KHSRP: variants seen among roughly 807,000 people sequenced by gnomAD.
The protein encoded by KHSRP is KH-type splicing regulatory protein.
Under a neutral mutation model 94.9 loss-of-function variants are expected in KHSRP, and 13 were observed. The observed-to-expected ratio is 0.14, with a 90% confidence interval of 0.09 to 0.22. The LOEUF is 0.22. KHSRP is among the 10% of genes least tolerant of loss of function. The pLI is 1.00. For synonymous variants in KHSRP, 495 were observed against 401.4 expected (o/e 1.23, Z -2.79); for missense variants, 710 against 1,010.0 (o/e 0.70, Z 4.03).
intron 11 of KHSRP, 30 bp downstream of exon 11, chr19:6,417,709 G>A (rs1032556645): frequency 2.5e-6 from 4 of 1,592,500 alleles, no homozygotes; most frequent in Non-Finnish European, 3.4e-6. Context: ...GGGGTGCACT[G>A]GCCAGGGGCA....
chr19:6,414,830 CCCCCGACT>C lies in KHSRP; in HGVS notation c.*186_*193del. The C allele has an allele frequency of 8.1e-7, 1 of 1,235,516 alleles. No individual in the cohort carries two copies. The highest frequency in any genetic ancestry group is 1.0e-6 in the Non-Finnish European group (1 of 986,382). The allele number at this position is 1,235,516 out of a possible 1,614,324, so 76.5% of individuals were successfully genotyped here. On this transcript the variant is annotated 3_prime_UTR_variant, in exon 19 of 19. Transcript: ENST00000600480. ...CCCACCGTCCGCGCTGTCTGCCTGC[CCCCCGACT>C]CCCCAGCAGTTCAGAAGTCCCGCCT...
rs933887104 is a variant in KHSRP, at chr19:6,416,007, C to T, written c.1599-111G>A. 58 of 735,314 alleles carry T rather than the reference C, an allele frequency of 7.9e-5. No homozygotes were observed. In the African/African-American group the frequency reaches 9.3e-4, roughly 12 times the overall value. 45.5% of individuals were successfully genotyped at this position (735,314 alleles called of 1,614,324 possible). ...GGGAGGCGCCAGAGACCCAGACCACCAGGCTCAACGGGGCGCCTGGGAAAG... is the reference window on the plus strand; with the variant it reads ...GGGAGGCGCCAGAGACCCAGACCACTAGGCTCAACGGGGCGCCTGGGAAAG... On this transcript the variant is annotated intron_variant, in intron 15 of 18. Transcript: ENST00000600480.
rs775818254 is a variant in KHSRP, at chr19:6,414,069, A to G, written c.*955T>C. On this transcript the variant is annotated 3_prime_UTR_variant, in exon 19 of 19. Coordinates refer to ENST00000600480, the MANE Select transcript of KHSRP (RefSeq NM_001366299.1). ...CCCCCAAACAGAACAAAATGGAAAA[A>G]AAAAAGATTTTTCACAGATGAAGAA... 4 of 1,601,076 alleles carry G rather than the reference A, an allele frequency of 2.5e-6. No individual in the cohort carries two copies. The highest frequency in any genetic ancestry group is 3.4e-6 in the Non-Finnish European group (4 of 1,175,020).
chr19:6,419,921 T>G (rs1397362412), intron 6 of KHSRP, among the ~76,000 whole-genome samples, 152 bp downstream of exon 6: 1 of 151,812 alleles, frequency 6.6e-6, no homozygotes, highest in Non-Finnish European at 1.5e-5. Flanking sequence ...ACTAGTGGAG[T>G]GAGATACTGC....
At position 6,414,848 on chromosome 19, in the gene KHSRP, T is replaced by G; in HGVS notation, c.*176A>C. 7.8e-7 allele frequency: 1 copy of G among 1,278,562 alleles called. No individual in the cohort carries two copies. The highest frequency in any genetic ancestry group is 9.9e-7 in the Non-Finnish European group (1 of 1,011,478). 79.2% of individuals were successfully genotyped at this position (1,278,562 alleles called of 1,614,324 possible). A position where few individuals can be genotyped will look rare whatever the true frequency, so the allele number is the denominator to read the frequency against. On this transcript the variant is annotated 3_prime_UTR_variant, in exon 19 of 19. Coordinates refer to ENST00000600480, the MANE Select transcript of KHSRP (RefSeq NM_001366299.1). The stretch of plus-strand genomic sequence containing the variant: ...TGCCTGCCCCCCGACTCCCCAGCAG[T>G]TCAGAAGTCCCGCCTGCGAGTCTCA...
In KHSRP at chr19:6,416,722, AG is replaced by A. The variant is rs1324042488; in HGVS notation, c.1327+15del. On this transcript the variant is annotated intron_variant, in intron 13 of 18. Transcript: ENST00000600480. Reference sequence around the variant, plus strand: ...GAAGAGGGGGCAAGGGATAGGGTGCAGGGGGCCACACTCACCTCGGCCGATG... The same window carrying A: ...GAAGAGGGGGCAAGGGATAGGGTGCAGGGGCCACACTCACCTCGGCCGATG... 6.2e-7 allele frequency: 1 copy of A among 1,606,960 alleles called. No individual in the cohort carries two copies. The highest frequency in any genetic ancestry group is 8.5e-7 in the Non-Finnish European group (1 of 1,175,568).
rs770448741 is a variant in KHSRP, at chr19:6,415,634, C to T, written c.1788G>A (p.Pro596=). The change falls in exon 17 of 19, where the codon CCG becomes CCA. Residue 596 remains proline, a synonymous_variant. Coordinates refer to ENST00000600480, the MANE Select transcript of KHSRP (RefSeq NM_001366299.1). The stretch of plus-strand genomic sequence containing the variant: ...CCTGAGCCGGTGGGGCCGCAGGGGC[C>T]GGTGCGGGGCCGGGGACGGGGCCCG... ...QPPGPVPGPA[P]APAAPPAQGE... 76 of 1,524,168 alleles carry T rather than the reference C, an allele frequency of 5.0e-5. No homozygotes were observed. The highest frequency in any genetic ancestry group is 4.0e-4 in the Middle Eastern group (2 of 5,012). 94.4% of individuals were successfully genotyped at this position (1,524,168 alleles called of 1,614,324 possible).
chr19:6,416,639 C>T lies in KHSRP; in HGVS notation c.1339G>A (p.Val447Met). The part of the protein sequence containing the change: ...GLVIGRGGEN[V>M]KAINQQTGAF... ...CCCGTCTGCTGGTTTATGGCTTTCA[C>T]ATTCTCGCCACCTGCAGAAACGCAG... Residue 447 changes from valine (V) to methionine (M), a missense_variant, in exon 14 of 19, where the codon GTG (valine) becomes ATG (methionine). Physicochemically the swap from Val to Met is conservative, Grantham distance 21 (BLOSUM62 1). Transcript: ENST00000600480. 6.2e-7 allele frequency: 1 copy of T among 1,613,914 alleles called. No homozygotes were observed. Among genetic ancestry groups the T allele is most frequent in the Non-Finnish European group, 8.5e-7 (1 of 1,179,812 alleles).
chr19:6,415,742 A>C lies in KHSRP; in HGVS notation c.1688-8T>G. 1 of 1,550,598 alleles carries C rather than the reference A, an allele frequency of 6.4e-7. No homozygotes were observed. Among genetic ancestry groups the C allele is most frequent in the Non-Finnish European group, 8.7e-7 (1 of 1,147,174 alleles). The stretch of plus-strand genomic sequence containing the variant: ...CCGCTGCAGCTGCTTTGCCTGCAGG[A>C]GATACCTCGGGTGAGACGGGGGGAC... On this transcript the variant is annotated splice_polypyrimidine_tract_variant and splice_region_variant and intron_variant, in intron 16 of 18. Coordinates refer to ENST00000600480, the MANE Select transcript of KHSRP (RefSeq NM_001366299.1).
At position 6,417,658 on chromosome 19, in the gene KHSRP, C is replaced by A. The variant is rs556394302; in HGVS notation, c.1081+81G>T. Reference sequence around the variant, plus strand: ...GCTATGGAGGCCACCTGGCTGACCACGGTGCCCAGCTCCCTCAGAGCCTGC... The same window carrying A: ...GCTATGGAGGCCACCTGGCTGACCAAGGTGCCCAGCTCCCTCAGAGCCTGC... On this transcript the variant is annotated intron_variant, in intron 11 of 18. Coordinates refer to ENST00000600480, the MANE Select transcript of KHSRP (RefSeq NM_001366299.1). 4.1e-6 allele frequency: 5 copies of A among 1,212,800 alleles called. No homozygotes were observed. In the South Asian group the frequency reaches 5.1e-5, roughly 12 times the overall value. The allele number at this position is 1,212,800 out of a possible 1,614,324, so 75.1% of individuals were successfully genotyped here.
chr19:6,419,170 C>T (rs528808189), intron 7 of KHSRP, 33 bp downstream of exon 7: 2 of 1,557,438 alleles, frequency 1.3e-6, no homozygotes, highest in Middle Eastern at 1.7e-4. Context: ...GCCTGCCCCC[C>T]ACATCACAAT....
intron 4 of KHSRP, chr19:6,420,909 C>G (rs1294651973): frequency 5.1e-6 from 2 of 391,344 alleles, no homozygotes; most frequent in Non-Finnish European, 9.3e-6. Context: ...CTGAGCTCCA[C>G]AGCACTGAGT....
chr19:6,417,432 T>C (rs907819491), intron 11 of KHSRP, among the ~76,000 whole-genome samples: 6 of 152,172 alleles, frequency 3.9e-5, no homozygotes, highest in Non-Finnish European at 7.3e-5. Flanking sequence ...AGCCCAGAGC[T>C]GAGGTGGAGT....
In KHSRP at chr19:6,420,436, C is replaced by T; in HGVS notation, c.461G>A (p.Gly154Asp). 2 of 1,613,944 alleles carry T rather than the reference C, an allele frequency of 1.2e-6. No homozygotes were observed. The highest frequency in any genetic ancestry group is 1.7e-6 in the Non-Finnish European group (2 of 1,179,832). The stretch of plus-strand genomic sequence containing the variant: ...CCCACACTCACTCAGGCCCACCATG[C>T]CGTCTGGGACCCTGTACTCTTCTGT... ...SMTEEYRVPD[G>D]MVGLIIGRGG... Residue 154 changes from glycine to aspartate, a missense_variant, in exon 5 of 19, where the codon GGC becomes GAC. Transcript: ENST00000600480.
intron 5 of KHSRP, 69 bp from the exon 6 acceptor site, chr19:6,420,213 G>A (rs1346073292): frequency 1.4e-6 from 2 of 1,452,094 alleles, no homozygotes; most frequent in East Asian, 2.4e-5. Flanking sequence ...AGGAGACTGT[G>A]TGGCCGGGGC....
chr19:6,420,531 T>A, intron 4 of KHSRP, 60 bp from the exon 5 acceptor site: 1 of 1,526,976 alleles, frequency 6.5e-7, no homozygotes, highest in South Asian at 1.1e-5. Context: ...ACAGCAGCTC[T>A]GGAAGGTCTA....
Position 6,416,419 on chromosome 19 carries a change from G to A in KHSRP, c.1489-12C>T, listed in dbSNP as rs367697852. On this transcript the variant is annotated splice_polypyrimidine_tract_variant and intron_variant, in intron 14 of 18. Transcript: ENST00000600480. Reference sequence around the variant, plus strand: ...GGGCAGAGAGGACCCTAGAAGGAAGGAGAGTAACCAAGGTAAGTGGGCTGG... The same window carrying A: ...GGGCAGAGAGGACCCTAGAAGGAAGAAGAGTAACCAAGGTAAGTGGGCTGG... 16 of 1,613,172 alleles carry A rather than the reference G, an allele frequency of 9.9e-6. No individual in the cohort carries two copies. The highest frequency in any genetic ancestry group is 2.2e-5 in the East Asian group (1 of 44,872).
chr19:6,418,881 G>A lies in KHSRP; in HGVS notation c.606-5C>T. On this transcript the variant is annotated splice_polypyrimidine_tract_variant and splice_region_variant and intron_variant, in intron 7 of 18. Coordinates refer to ENST00000600480, the MANE Select transcript of KHSRP (RefSeq NM_001366299.1). This position sits in a 1 kb window ranked among gnomAD's most constrained non-coding sequence, Gnocchi z 4.3. ...TCCAGCATCATCTTGGCTTTCCTGG[G>A]AAGGGGAGGAGCGGGGGATGAGCGG... 1.3e-6 allele frequency: 2 copies of A among 1,541,058 alleles called. No homozygotes were observed. Among genetic ancestry groups the A allele is most frequent in the Admixed American group, 2.2e-5 (1 of 44,886 alleles).
At chr19:6,417,651 C>A in intron 11 of KHSRP, 88 bp downstream of exon 11, 1 of 1,118,736 alleles carries the variant, frequency 8.9e-7, no homozygotes, top group South Asian at 1.3e-5. Context: ...GGCCACCTGG[C>A]TGACCACGGT....
Sources: gnomAD v4.1 joint callset for allele counts (sites outside exome capture counted in the v4.1 genomes callset) on GRCh38, gnomAD v4.1.1 for gene constraint, Gnocchi (gnomAD v3.1) non-coding constraint, MANE v1.5 for transcripts, NCBI Gene and HGNC (gene_info 2026-07-23, HGNC 2026-07-21) for gene names.